Variants in PLCZ1 observed in about 807,000 individuals in gnomAD.
PLCZ1 encodes the protein phospholipase C zeta 1.
In PLCZ1, 64 loss-of-function variants were observed where a neutral mutation model predicts 76.8. The observed-to-expected ratio is 0.83, with a 90% confidence interval of 0.68 to 1.03. The LOEUF is 1.03. Among genes scored for constraint, PLCZ1 ranks in the 50% least tolerant of loss-of-function variants. PLCZ1 has a pLI of 0.00. For synonymous variants in PLCZ1, 248 were observed against 230.8 expected (o/e 1.07, Z -0.68); for missense variants, 751 against 713.7 (o/e 1.05, Z -0.60).
At chr12:18,710,794 C>T (rs1957208750) in intron 6 of PLCZ1, among the ~76,000 whole-genome samples, 1 of 152,142 alleles carries the variant, frequency 6.6e-6, no homozygotes. Context: ...TGCTCATCAT[C>T]ACTGGCCGTC....
rs202048826 is a variant in PLCZ1 at position 18,684,283 on chromosome 12, A to G, written c.1592-4T>C. 6.3e-7 allele frequency: 1 copy of G among 1,597,214 alleles called. No homozygotes were observed. Among genetic ancestry groups the G allele is most frequent in the Non-Finnish European group, 8.6e-7 (1 of 1,166,972 alleles). ...TCATTCCATCTTGGACTAAAAGCTGAAATATAAAAAAAGAAGATACAAAGA... is the reference window on the plus strand; with the variant it reads ...TCATTCCATCTTGGACTAAAAGCTGGAATATAAAAAAAGAAGATACAAAGA... On this transcript the variant is annotated splice_region_variant and splice_polypyrimidine_tract_variant and intron_variant, in intron 13 of 14. Transcript: ENST00000266505.
Position 18,688,167 on chromosome 12 carries a change from C to T in PLCZ1, c.1513G>A (p.Asp505Asn), listed in dbSNP as rs749285005. 1.2e-6 allele frequency: 2 copies of T among 1,611,090 alleles called. No homozygotes were observed. The highest frequency in any genetic ancestry group is 1.7e-6 in the Non-Finnish European group (2 of 1,178,742). ...PLTHSSSNKGDSLVIIEVFGV... is the reference protein window; with the variant it reads ...PLTHSSSNKGNSLVIIEVFGV... ...AAAACTTCTATAATTACTAATGAAT[C>T]ACCTTTGTTAGATGATGAATGAGTA... The change falls in exon 13 of 15, where the codon GAT becomes AAT. Residue 505 changes from aspartate to asparagine, a missense_variant. By Grantham distance (23) the Asp-to-Asn change is conservative. Coordinates refer to ENST00000266505, the MANE Select transcript of PLCZ1 (RefSeq NM_033123.4).
chr12:18,691,204 A>G (rs1954024141), intron 12 of PLCZ1, among the ~76,000 whole-genome samples: 1 of 152,122 alleles, frequency 6.6e-6, no homozygotes, highest in East Asian at 1.9e-4. Flanking sequence ...GAAAGATTAG[A>G]ATGGTTCCCA....
chr12:18,655,617 C>G, the PLCZ1 span, among the ~76,000 whole-genome samples: 2 of 152,082 alleles, frequency 1.3e-5, no homozygotes, highest in Non-Finnish European at 2.9e-5. Context: ...AATACTGCCT[C>G]AGGCAGGTAG....
At chr12:18,729,762 TGC>T (rs1230193684) in intron 3 of PLCZ1, among the ~76,000 whole-genome samples, 1 of 152,084 alleles carries the variant, frequency 6.6e-6, no homozygotes. Flanking sequence ...CTTAGAGAAT[TGC>T]TGCTCAAGCC....
At chr12:18,733,189 T>G (rs968749436) in intron 3 of PLCZ1, among the ~76,000 whole-genome samples, 1 of 152,214 alleles carries the variant, frequency 6.6e-6, no homozygotes, top group Non-Finnish European at 1.5e-5. Flanking sequence ...TGATTTGCAT[T>G]TCCCTGATGA....
intron 4 of PLCZ1, among the ~76,000 whole-genome samples, chr12:18,721,208 G>C (rs1958416736): frequency 6.6e-6 from 1 of 151,974 alleles, no homozygotes; most frequent in South Asian, 2.1e-4. Flanking sequence ...AACTCATTTT[G>C]TTCCCTTAAA....
chr12:18,688,327 C>T (rs112309837), intron 12 of PLCZ1, 109 bp from the exon 13 acceptor site: 1 of 1,123,180 alleles, frequency 8.9e-7, no homozygotes, highest in Non-Finnish European at 1.3e-6. Flanking sequence ...TCTAAGTCAG[C>T]TCCCACAAAC....
rs1270543665 is a variant in PLCZ1, at chr12:18,699,894, A to G, written c.1074T>C (p.Ala358=). Residue 358 remains alanine, a synonymous_variant, in exon 10 of 15, where the codon GCT becomes GCC. Transcript: ENST00000266505. ...ALSDLVIYTK[A]EKFKSFQHSR... is the part of the protein sequence containing the mutation. ...AATGTTGAAAGCTTTTGAATTTCTCAGCTTTCGTATAAATGACAAGATCAG... is the reference window on the plus strand; with the variant it reads ...AATGTTGAAAGCTTTTGAATTTCTCGGCTTTCGTATAAATGACAAGATCAG... 1.2e-6 allele frequency: 2 copies of G among 1,612,688 alleles called. No individual in the cohort carries two copies. The highest frequency in any genetic ancestry group is 1.3e-5 in the African/African-American group (1 of 74,872).
At chr12:18,682,252 C>T (rs890727247), downstream of PLCZ1, among the ~76,000 whole-genome samples, 24 of 152,008 alleles carry the variant, frequency 1.6e-4, no homozygotes, top group African/African-American at 5.3e-4. Context: ...AATAGTAAAA[C>T]ATGCTAGTTG....
chr12:18,651,141 A>C, the PLCZ1 span, among the ~76,000 whole-genome samples: 1 of 151,956 alleles, frequency 6.6e-6, no homozygotes, highest in African/African-American at 2.4e-5. Flanking sequence ...ACATTCAATC[A>C]ACACTGGCCT....
In PLCZ1 at chr12:18,692,935, C is replaced by A. The variant is rs113569709; in HGVS notation, c.1461+1975G>T. 1,045 of 1,538,658 alleles carry A rather than the reference C, an allele frequency of 6.8e-4. 10 individuals are homozygous for A. The African/African-American group carries it at 0.013, about 19-fold the overall frequency. On this transcript the variant is annotated intron_variant, in intron 12 of 14. Coordinates refer to ENST00000266505, the MANE Select transcript of PLCZ1 (RefSeq NM_033123.4). ...GCTGCCAGCAAACTGCCACTGGTGA[C>A]ACCTCACACTCAGTGCCAGTTAAAA...
intron 10 of PLCZ1, among the ~76,000 whole-genome samples, chr12:18,698,528 G>A (rs1408858824): frequency 6.6e-6 from 1 of 152,120 alleles, no homozygotes; most frequent in Non-Finnish European, 1.5e-5. Flanking sequence ...AATCATTAAA[G>A]CTTTCAGAAT....
In PLCZ1 at chr12:18,736,201, G is replaced by C. The variant is rs1959228481; in HGVS notation, c.135+20C>G. On this transcript the variant is annotated intron_variant, in intron 3 of 14. Transcript: ENST00000266505. ...AGTTCCACCTAGGATAGGATAGGCA[G>C]GGGGTGGATGTCATCTTACCTTAAA... 1 of 1,609,716 alleles carries C rather than the reference G, an allele frequency of 6.2e-7. No individual in the cohort carries two copies. Among genetic ancestry groups the C allele is most frequent in the Non-Finnish European group, 8.5e-7 (1 of 1,177,228 alleles).
intron 5 of PLCZ1, chr12:18,713,795 T>G (rs1041550127): frequency 6.6e-6 from 1 of 152,216 alleles, no homozygotes; most frequent in African/African-American, 2.4e-5. Context: ...CTGCTTCTGC[T>G]GATATCTAAA....
the PLCZ1 span, among the ~76,000 whole-genome samples, chr12:18,651,928 T>C: frequency 6.6e-6 from 1 of 152,150 alleles, no homozygotes; most frequent in Admixed American, 6.6e-5. Flanking sequence ...CATTCCATCA[T>C]AACTCAGCAG....
intron 5 of PLCZ1, among the ~76,000 whole-genome samples, chr12:18,714,256 G>T (rs537184310): frequency 1.3e-5 from 2 of 152,246 alleles, no homozygotes; most frequent in Non-Finnish European, 2.9e-5. Context: ...TTGCATAGTT[G>T]TTCCTATTAC....
the PLCZ1 span, among the ~76,000 whole-genome samples, chr12:18,650,964 C>A: frequency 6.6e-6 from 1 of 151,768 alleles, no homozygotes; most frequent in East Asian, 1.9e-4. Flanking sequence ...ATTCTCAACA[C>A]AGCAATGGGA....
chr12:18,735,431 G>T (rs1959196096), intron 3 of PLCZ1, among the ~76,000 whole-genome samples: 1 of 152,006 alleles, frequency 6.6e-6, no homozygotes, highest in East Asian at 1.9e-4. Context: ...CTCCAAACAG[G>T]GTCTCACTAT....
Sources: gnomAD v4.1 joint callset for allele counts (sites outside exome capture counted in the v4.1 genomes callset) on GRCh38, gnomAD v4.1.1 for gene constraint, MANE v1.5 for transcripts, NCBI Gene and HGNC (gene_info 2026-07-23, HGNC 2026-07-21) for gene names.